Variants in BEAN1 observed in about 807,000 individuals in gnomAD.
BEAN1 encodes protein BEAN1.
BEAN1 carries 17 observed loss-of-function variants against 17.7 expected under a neutral mutation model. That is an observed-to-expected ratio of 0.96 (90% CI 0.66 to 1.44). The LOEUF is 1.44. Ranked by LOEUF, BEAN1 falls within the 40% of genes most tolerant of loss-of-function variation. BEAN1 has a pLI of 0.00. For missense variants in BEAN1, 359 were observed against 374.1 expected (o/e 0.96, Z 0.33); for synonymous variants, 142 against 151.8 (o/e 0.94, Z 0.47).
intron 2 of BEAN1, among the ~76,000 whole-genome samples, chr16:66,464,836 C>T (rs1026468705): frequency 1.3e-5 from 2 of 152,066 alleles, no homozygotes; most frequent in Admixed American, 1.3e-4. Flanking sequence ...AAGATTATGT[C>T]ATCTGCAAAT....
chr16:66,441,711 C>G (rs905636797), intron 2 of BEAN1, among the ~76,000 whole-genome samples: 1 of 152,176 alleles, frequency 6.6e-6, no homozygotes, highest in Non-Finnish European at 1.5e-5. Flanking sequence ...CTATGCCCAC[C>G]AAGTGCAAGG....
In BEAN1 at chr16:66,473,430, T is replaced by G. The variant is rs1050576877; in HGVS notation, c.289+3565T>G. ...TCGGCAGGGAACCCAGAGGTGCTGT[T>G]GCCCCATATCTTCCCCCAGCCTTCT... is the stretch of plus-strand genomic sequence containing the variant. On this transcript the variant is annotated intron_variant, in intron 3 of 4. Transcript: ENST00000536005. This position sits in a 1 kb window ranked among gnomAD's most constrained non-coding sequence, Gnocchi z 4.5. Among the ~76,000 whole-genome samples the G allele has an allele frequency of 6.6e-6, 1 of 152,210 alleles. No individual in the cohort carries two copies. The highest frequency in any genetic ancestry group is 2.4e-5 in the African/African-American group (1 of 41,456).
chr16:66,468,864 G>A (rs990269987), intron 2 of BEAN1, among the ~76,000 whole-genome samples: 3 of 152,154 alleles, frequency 2.0e-5, no homozygotes, highest in Non-Finnish European at 2.9e-5. Flanking sequence ...GTCCCCAGGA[G>A]CTTCTTTCCG....
chr16:66,477,798 C>T, intron 4 of BEAN1, 88 bp downstream of exon 4: 2 of 1,350,790 alleles, frequency 1.5e-6, no homozygotes, highest in Non-Finnish European at 2.0e-6. Context: ...AAGAGTGGCA[C>T]CTCTGCATGT....
intron 2 of BEAN1, among the ~76,000 whole-genome samples, chr16:66,457,064 ACAGTG>A (rs1330905328): frequency 6.6e-6 from 1 of 152,186 alleles, no homozygotes; most frequent in Admixed American, 6.5e-5. Context: ...GGAGCAGGGA[ACAGTG>A]CCAGGGCAGC....
exon 5 of BEAN1, chr16:66,493,143 G>A (rs138344650): frequency 2.8e-6 from 2 of 702,894 alleles, no homozygotes; most frequent in African/African-American, 3.5e-5. Context: ...AGGGTCTCAT[G>A]TGAAGCCGTT....
At position 66,482,194 on chromosome 16, in the gene BEAN1, G is replaced by C. The variant is rs1196585045; in HGVS notation, c.*1269G>C. ...CTGAAGACCCAGCCCACAGAGGGTG[G>C]CAGCCAAGCATCTCTGAGCAGTGTC... On this transcript the variant is annotated 3_prime_UTR_variant, in exon 5 of 5. Coordinates refer to ENST00000536005, the MANE Select transcript of BEAN1 (RefSeq NM_001178020.3). The C allele has an allele frequency of 6.6e-6, 1 of 152,316 alleles. No homozygotes were observed. Among genetic ancestry groups the C allele is most frequent in the African/African-American group, 2.4e-5 (1 of 41,438 alleles). The allele number at this position is 152,316 out of a possible 1,614,324, so 9.4% of individuals were successfully genotyped here. A position where few individuals can be genotyped will look rare whatever the true frequency, so the allele number is the denominator to read the frequency against.
At chr16:66,442,607 A>G (rs943132567) in intron 2 of BEAN1, among the ~76,000 whole-genome samples, 7 of 152,268 alleles carry the variant, frequency 4.6e-5, no homozygotes, top group East Asian at 1.9e-4. Flanking sequence ...GGTATGATAT[A>G]CAGTGTGTGG....
At chr16:66,478,808 G>A (rs1963870421) in intron 4 of BEAN1, among the ~76,000 whole-genome samples, 1 of 152,094 alleles carries the variant, frequency 6.6e-6, no homozygotes, top group Non-Finnish European at 1.5e-5. Flanking sequence ...ACAGGAAATC[G>A]GCCTTTGTCA....
rs1168440854 is a variant in BEAN1, at chr16:66,434,257, G to A, written c.-82-3338G>A. 1.6e-5 allele frequency among the ~76,000 whole-genome samples: 2 copies of A among 123,422 alleles called. No individual in the cohort carries two copies. The highest frequency in any genetic ancestry group is 3.2e-5 in the Non-Finnish European group (2 of 62,062). 81.0% of individuals were successfully genotyped at this position (123,422 alleles called of 152,430 possible). A position where few individuals can be genotyped will look rare whatever the true frequency, so the allele number is the denominator to read the frequency against. On this transcript the variant is annotated intron_variant, in intron 1 of 4. Transcript: ENST00000536005. The surrounding 1 kb of genome is among the most constrained non-coding windows in gnomAD (Gnocchi z 4.3). ...CCCGACCCCTGGCAAAGGAACCACA[G>A]TCCCAGCCCATCTGTGCCCCTCATG...
At chr16:66,475,930 GA>G (rs1467796573) in intron 3 of BEAN1, 3 of 152,158 alleles carry the variant, frequency 2.0e-5, no homozygotes, top group African/African-American at 4.8e-5. Context: ...CTAACACGGT[GA>G]AACCCGGTCT....
At chr16:66,478,524 C>T (rs1426272522) in intron 4 of BEAN1, among the ~76,000 whole-genome samples, 4 of 152,190 alleles carry the variant, frequency 2.6e-5, no homozygotes, top group Admixed American at 2.0e-4. Context: ...ATCGCTTGAA[C>T]CCGGGAGGCG....
In BEAN1 at chr16:66,471,456, G is replaced by A. The variant is rs1340080818; in HGVS notation, c.289+1591G>A. On this transcript the variant is annotated intron_variant, in intron 3 of 4. Coordinates refer to ENST00000536005, the MANE Select transcript of BEAN1 (RefSeq NM_001178020.3). This position sits in a 1 kb window ranked among gnomAD's most constrained non-coding sequence, Gnocchi z 4.7. ...GCCCAGGAAGGGAGCTGGAGGTGTC[G>A]GGGAGACGCCCCTGGGAGCCGCCCC... is the stretch of plus-strand genomic sequence containing the variant. 4.6e-5 allele frequency among the ~76,000 whole-genome samples: 7 copies of A among 152,222 alleles called. No individual in the cohort carries two copies. The highest frequency in any genetic ancestry group is 2.1e-4 in the South Asian group (1 of 4,832).
chr16:66,452,941 C>T (rs1405379762), intron 2 of BEAN1, among the ~76,000 whole-genome samples: 2 of 152,250 alleles, frequency 1.3e-5, no homozygotes, highest in African/African-American at 2.4e-5. Flanking sequence ...ATTGTCTTTG[C>T]GATCTTGGGC....
At chr16:66,458,949 G>A (rs192014152) in intron 2 of BEAN1, among the ~76,000 whole-genome samples, 8 of 152,350 alleles carry the variant, frequency 5.3e-5, no homozygotes, top group Admixed American at 2.0e-4. Context: ...CTCCTGCCTC[G>A]TCAGGGGACT....
chr16:66,470,008 A>G, intron 3 of BEAN1, 143 bp downstream of exon 3: 1 of 1,157,292 alleles, frequency 8.6e-7, no homozygotes, highest in Non-Finnish European at 1.2e-6. Context: ...GGTCAGGAAG[A>G]GCTCACAGGC....
intron 1 of BEAN1, among the ~76,000 whole-genome samples, chr16:66,433,914 C>T (rs28677811): frequency 1.3e-3 from 203 of 152,346 alleles, no homozygotes; most frequent in African/African-American, 4.6e-3. Context: ...GACCCAGGCT[C>T]TCTCCCCTTA....
rs780307718 is a variant in BEAN1 at position 66,480,719 on chromosome 16, C to T, written c.574C>T (p.Arg192Ter). The change falls in exon 5 of 5, where the codon CGA (arginine) becomes TGA (stop). Residue 192 changes from arginine to a stop codon, truncating the protein, a stop_gained. Coordinates refer to ENST00000536005, the MANE Select transcript of BEAN1 (RefSeq NM_001178020.3). LOFTEE classifies it low-confidence loss of function (END_TRUNC). The part of the protein sequence containing the change: ...SDSGSGHSPG[R>*]HQQEQRTPAQ... ...CTCAGGCAGCGGCCACAGCCCTGGC[C>T]GACACCAGCAGGAGCAGAGGACCCC... 24 of 1,551,546 alleles carry T rather than the reference C, an allele frequency of 1.5e-5. No homozygotes were observed. In the South Asian group the frequency reaches 2.1e-4, roughly 14 times the overall value.
downstream of BEAN1, chr16:66,485,097 C>A (rs527490569): frequency 8.8e-6 from 4 of 454,098 alleles, no homozygotes; most frequent in South Asian, 6.2e-5. Flanking sequence ...CAGAAGAGGG[C>A]GGAAGGAGGG....
Sources: allele counts gnomAD v4.1 joint callset (sites outside exome capture counted in the v4.1 genomes callset), GRCh38; gene constraint gnomAD v4.1.1; non-coding constraint Gnocchi (gnomAD v3.1); transcripts MANE v1.5; gene names NCBI Gene and HGNC (gene_info 2026-07-23, HGNC 2026-07-21).